ANKS1B: variants seen among roughly 807,000 people sequenced by gnomAD.
ANKS1B encodes the protein ankyrin repeat and sterile alpha motif domain-containing protein 1B.
In ANKS1B, 36 loss-of-function variants were observed where a neutral mutation model predicts 148.3. The observed-to-expected ratio is 0.24, with a 90% CI of 0.19 to 0.32. ANKS1B has a LOEUF of 0.32. Ranked by LOEUF, ANKS1B falls within the 10% of genes least tolerant of loss-of-function variation. The probability of loss-of-function intolerance (pLI) is 1.00; values close to 1 mark genes in which losing one functional copy is unlikely to be tolerated. For synonymous variants in ANKS1B, 542 were observed against 560.8 expected (o/e 0.97, Z 0.47); for missense variants, 1,157 against 1,542.6 (o/e 0.75, Z 4.19).
chr12:99,723,168 G>A (rs769710505), intron 8 of ANKS1B, among the ~76,000 whole-genome samples: 18 of 152,160 alleles, frequency 1.2e-4, no homozygotes, highest in Non-Finnish European at 1.9e-4. Flanking sequence ...CCACAGTTGC[G>A]GCTGCCTGTT....
chr12:99,340,762 T>A (rs770044053), intron 12 of ANKS1B, among the ~76,000 whole-genome samples: 10 of 151,808 alleles, frequency 6.6e-5, no homozygotes, highest in African/African-American at 1.2e-4. Flanking sequence ...TGAGAACTTT[T>A]AAAAAAAATG....
intron 8 of ANKS1B, among the ~76,000 whole-genome samples, chr12:99,749,407 C>T (rs2060896987): frequency 6.6e-6 from 1 of 152,012 alleles, no homozygotes; most frequent in African/African-American, 2.4e-5. Context: ...GAGGAAAATC[C>T]AGCTGACCAA....
chr12:99,000,267 CCTT>C (rs2099932149), intron 17 of ANKS1B, among the ~76,000 whole-genome samples: 4 of 139,104 alleles, frequency 2.9e-5, no homozygotes, highest in Non-Finnish European at 4.6e-5. Context: ...TTTTCTTTTT[CCTT>C]TTTTTTTTTT....
At chr12:99,201,518 A>C (rs537641446) in intron 14 of ANKS1B, among the ~76,000 whole-genome samples, 1 of 152,298 alleles carries the variant, frequency 6.6e-6, no homozygotes, top group Admixed American at 6.5e-5. Flanking sequence ...CAGTTGAATA[A>C]ATTTATTATA....
At position 98,807,834 on chromosome 12, in the gene ANKS1B, G is replaced by T. The variant is rs762674921; in HGVS notation, c.3141+10C>A. The T allele has an allele frequency of 6.2e-6, 10 of 1,611,568 alleles. No individual in the cohort carries two copies. The African/African-American group carries it at 6.7e-5, about 11-fold the overall frequency. ...GTTCAGGAGAAGAAAAGAACCATTT[G>T]TAACCTTACATTATGAACCTGATGG... On this transcript the variant is annotated intron_variant, in intron 20 of 26. Transcript: ENST00000683438.
In ANKS1B at chr12:99,153,272, T is replaced by C. The variant is rs183632040; in HGVS notation, c.2526+1017A>G. Among the ~76,000 whole-genome samples the C allele has an allele frequency of 2.1e-3, 324 of 152,290 alleles. 1 individual carries two copies. The highest frequency in any genetic ancestry group is 3.2e-3 in the Non-Finnish European group (219 of 68,010). ...ATCTAATCAGCTGTCACTATTGTGT[T>C]ATCATTTCTGGTACTAGTAAGCTGC... On this transcript the variant is annotated intron_variant, in intron 15 of 26. Transcript: ENST00000683438.
chr12:98,996,812 C>CAAAAAA (rs1160748107), intron 17 of ANKS1B, among the ~76,000 whole-genome samples: 27 of 40,618 alleles, frequency 6.6e-4, no homozygotes, highest in Non-Finnish European at 9.0e-4. Context: ...GACTCTATCT[C>CAAAAAA]AAAAAAAAAA....
chr12:99,924,056 C>T (rs1421143918), intron 1 of ANKS1B, among the ~76,000 whole-genome samples: 1 of 152,082 alleles, frequency 6.6e-6, no homozygotes, highest in Non-Finnish European at 1.5e-5. Context: ...ATACCTGTGG[C>T]AAGTACCTCA....
At position 99,803,284 on chromosome 12, in the gene ANKS1B, C is replaced by CA. The variant is rs1555620507; in HGVS notation, c.669+3119dup. Among the ~76,000 whole-genome samples the CA allele has an allele frequency of 1.1e-3, 129 of 121,948 alleles. 3 individuals carry two copies. The highest frequency in any genetic ancestry group is 3.8e-3 in the African/African-American group (126 of 33,320). 80.0% of individuals were successfully genotyped at this position (121,948 alleles called of 152,430 possible). A position where few individuals can be genotyped will look rare whatever the true frequency, so the allele number is the denominator to read the frequency against. On this transcript the variant is annotated intron_variant, in intron 4 of 26. Coordinates refer to ENST00000683438, the MANE Select transcript of ANKS1B (RefSeq NM_001352186.2). ...ATAAAATTAAATATTCACCCCCCCC[C>CA]AAAAAAAAAGGCAATGAGACCAAAA...
intron 8 of ANKS1B, among the ~76,000 whole-genome samples, chr12:99,753,275 G>C (rs370316711): frequency 1.3e-5 from 2 of 152,072 alleles, no homozygotes; most frequent in Non-Finnish European, 2.9e-5. Flanking sequence ...GCAAAGATGA[G>C]AGAATGAAAC....
At chr12:98,866,750 A>G (rs1299021943) in intron 17 of ANKS1B, among the ~76,000 whole-genome samples, 1 of 152,082 alleles carries the variant, frequency 6.6e-6, no homozygotes, top group African/African-American at 2.4e-5. Context: ...TTCCCTATAC[A>G]ACATTGCTTC....
chr12:98,971,450 A>G (rs1189539648), intron 17 of ANKS1B, among the ~76,000 whole-genome samples: 1 of 152,258 alleles, frequency 6.6e-6, no homozygotes, highest in Non-Finnish European at 1.5e-5. Context: ...AGAATGTTCA[A>G]GTTCAAAATA....
intron 12 of ANKS1B, among the ~76,000 whole-genome samples, chr12:99,382,180 A>G (rs1479966618): frequency 2.0e-5 from 3 of 152,220 alleles, no homozygotes; most frequent in African/African-American, 4.8e-5. Flanking sequence ...ATAAGGCATC[A>G]GGCAAAGCAA....
chr12:99,502,780 A>T (rs944200925), intron 10 of ANKS1B, among the ~76,000 whole-genome samples: 12 of 152,124 alleles, frequency 7.9e-5, no homozygotes, highest in African/African-American at 2.9e-4. Flanking sequence ...ATGCTCAATA[A>T]ATTTACTATT....
At chr12:99,110,887 C>A (rs7307197) in intron 15 of ANKS1B, among the ~76,000 whole-genome samples, 11,741 of 152,170 alleles carry the variant, frequency 0.077, 1,095 homozygotes, top group African/African-American at 0.22. Flanking sequence ...CATTATGTTT[C>A]TTTCTAGACT....
chr12:99,958,718 T>C (rs936860718), intron 1 of ANKS1B, among the ~76,000 whole-genome samples: 1 of 152,098 alleles, frequency 6.6e-6, no homozygotes, highest in Non-Finnish European at 1.5e-5. Flanking sequence ...AAGAATAACA[T>C]GTTTATAATG....
chr12:98,746,376 T>G (rs1490133245), intron 26 of ANKS1B, among the ~76,000 whole-genome samples: 1 of 152,178 alleles, frequency 6.6e-6, no homozygotes, highest in African/African-American at 2.4e-5. Context: ...CCAGGGCCTC[T>G]GCGCTCATCA....
intron 14 of ANKS1B, among the ~76,000 whole-genome samples, chr12:99,200,805 GA>G: frequency 6.6e-6 from 1 of 152,210 alleles, no homozygotes. Flanking sequence ...CACAAGGGCA[GA>G]AGTCTTTGCT....
At chr12:99,162,108 A>T (rs2076712621) in intron 14 of ANKS1B, among the ~76,000 whole-genome samples, 1 of 152,220 alleles carries the variant, frequency 6.6e-6, no homozygotes, top group Non-Finnish European at 1.5e-5. Flanking sequence ...CTGTTTAAAT[A>T]AAAGGTCAAG....
Sources: allele counts gnomAD v4.1 joint callset (sites outside exome capture counted in the v4.1 genomes callset), GRCh38; gene constraint gnomAD v4.1.1; transcripts MANE v1.5; gene names NCBI Gene and HGNC (gene_info 2026-07-23, HGNC 2026-07-21).